The following ASAP3 variants were observed in gnomAD, a reference collection of about 807,000 sequenced individuals.
The protein encoded by ASAP3 is arf-GAP with SH3 domain, ANK repeat and PH domain-containing protein 3.
A neutral mutation model predicts 118.2 loss-of-function variants in ASAP3; 85 were observed. The ratio of observed to expected loss-of-function variants is 0.72; its 90% confidence interval spans 0.60 to 0.86. ASAP3 has a LOEUF of 0.86. Among genes scored for constraint, ASAP3 ranks in the 40% least tolerant of loss-of-function variants. ASAP3 has a pLI of 0.00. For missense variants in ASAP3, 1,026 were observed against 1,175.0 expected (o/e 0.87, Z 1.85); for synonymous variants, 432 against 477.4 (o/e 0.90, Z 1.24).
chr1:23,430,499 T>C (rs966439280), intron 24 of ASAP3, among the ~76,000 whole-genome samples: 21 of 152,222 alleles, frequency 1.4e-4, no homozygotes, highest in African/African-American at 5.1e-4. Flanking sequence ...CATCCCTCTA[T>C]GCCTGGGATC....
intron 5 of ASAP3, among the ~76,000 whole-genome samples, chr1:23,444,848 C>T (rs1034781620): frequency 2.6e-5 from 4 of 152,032 alleles, no homozygotes; most frequent in African/African-American, 9.7e-5. Context: ...TTATGGGGGG[C>T]TGCCTGGTGG....
At position 23,438,688 on chromosome 1, in the gene ASAP3, G is replaced by T; in HGVS notation, c.1102+59C>A. 1 of 1,517,336 alleles carries T rather than the reference G, an allele frequency of 6.6e-7. No individual in the cohort carries two copies. Among genetic ancestry groups the T allele is most frequent in the South Asian group, 1.1e-5 (1 of 88,508 alleles). The allele number at this position is 1,517,336 out of a possible 1,614,324, so 94.0% of individuals were successfully genotyped here. A position where few individuals can be genotyped will look rare whatever the true frequency, so the allele number is the denominator to read the frequency against. On this transcript the variant is annotated intron_variant, in intron 12 of 24. Coordinates refer to ENST00000336689, the MANE Select transcript of ASAP3 (RefSeq NM_017707.4). This position sits in a 1 kb window ranked among gnomAD's most constrained non-coding sequence, Gnocchi z 4.9. The stretch of plus-strand genomic sequence containing the variant: ...CACTGAAGCCCCCCGGGAGCTGACA[G>T]GTGTCTTAGAGAAGCCCTGAGCAGC...
intron 5 of ASAP3, among the ~76,000 whole-genome samples, chr1:23,445,467 G>GGAGA (rs1327061566): frequency 6.6e-6 from 1 of 151,782 alleles, no homozygotes; most frequent in Non-Finnish European, 1.5e-5. Flanking sequence ...CTCCAGCCTG[G>GGAGA]GTGACAGAGC....
chr1:23,443,002 G>C (rs1640927682), intron 5 of ASAP3, among the ~76,000 whole-genome samples: 1 of 152,200 alleles, frequency 6.6e-6, no homozygotes, highest in African/African-American at 2.4e-5. Flanking sequence ...GCCAGCTAAG[G>C]TAAGGAGGTG....
rs1174321740 is a variant in ASAP3 at position 23,433,077 on chromosome 1, C to T, written c.2323G>A (p.Asp775Asn). ...VQGCARHASG[D>N]RSEVSSLSSE... ...CATTTATCTGGGCATCCAACTGTAC[C>T]TCCACTGGCATGTCTTGCACACCCT... is the stretch of plus-strand genomic sequence containing the variant. The change falls in exon 22 of 25, where the codon GAT becomes AAT. Residue 775 changes from aspartate to asparagine, a missense_variant and splice_region_variant. Physicochemically the swap from Asp to Asn is conservative, Grantham distance 23. Transcript: ENST00000336689. 1 of 1,613,598 alleles carries T rather than the reference C, an allele frequency of 6.2e-7. No individual in the cohort carries two copies. Among genetic ancestry groups the T allele is most frequent in the East Asian group, 2.2e-5 (1 of 44,882 alleles).
At chr1:23,482,071 T>G (rs1384632327) in intron 1 of ASAP3, among the ~76,000 whole-genome samples, 1 of 152,194 alleles carries the variant, frequency 6.6e-6, no homozygotes, top group Admixed American at 6.5e-5. Flanking sequence ...CTTCTTATTT[T>G]AATAAAACAT....
chr1:23,457,302 A>C (rs1641421365), intron 1 of ASAP3, among the ~76,000 whole-genome samples: 1 of 152,166 alleles, frequency 6.6e-6, no homozygotes, highest in Non-Finnish European at 1.5e-5. Flanking sequence ...TCAGAGTCTG[A>C]TTTCCAGAGT....
intron 24 of ASAP3, among the ~76,000 whole-genome samples, chr1:23,430,627 C>T (rs956326252): frequency 2.0e-5 from 3 of 152,184 alleles, no homozygotes; most frequent in South Asian, 2.1e-4. Flanking sequence ...CTTCTCTGAG[C>T]GACTGGCCTG....
chr1:23,434,450 G>A, intron 18 of ASAP3, 81 bp from the exon 19 acceptor site: 1 of 1,600,564 alleles, frequency 6.2e-7, no homozygotes, highest in Non-Finnish European at 8.6e-7. Context: ...AGTGGGAGGG[G>A]AAAGGAGGGA....
In ASAP3 at chr1:23,473,974, C is replaced by CTTTTTTTTTTTTTT. The variant is rs10664798; in HGVS notation, c.129+10017_129+10030dup. On this transcript the variant is annotated intron_variant, in intron 1 of 24. Coordinates refer to ENST00000336689, the MANE Select transcript of ASAP3 (RefSeq NM_017707.4). ...AGGCGAAAATGGCATTAAATCTGCT[C>CTTTTTTTTTTTTTT]TTTTTTTTTTTTTTTTTTTTTTTTG... Among the ~76,000 whole-genome samples the CTTTTTTTTTTTTTT allele has an allele frequency of 6.8e-4, 49 of 72,106 alleles. 6 individuals carry two copies. The highest frequency in any genetic ancestry group is 2.5e-3 in the African/African-American group (37 of 14,714). The allele number at this position is 72,106 out of a possible 152,430, so 47.3% of individuals were successfully genotyped here. A position where few individuals can be genotyped will look rare whatever the true frequency, so the allele number is the denominator to read the frequency against.
At position 23,435,901 on chromosome 1, in the gene ASAP3, A is replaced by T; in HGVS notation, c.1699T>A (p.Phe567Ile). 6 of 1,614,266 alleles carry T rather than the reference A, an allele frequency of 3.7e-6. No individual in the cohort carries two copies. The highest frequency in any genetic ancestry group is 5.1e-6 in the Non-Finnish European group (6 of 1,180,052). The stretch of plus-strand genomic sequence containing the variant: ...TGTCCAAAGTCCTGCCCATTGGCAA[A>T]GGCCTCCAGTACCGACAGGAGGTCC... ...NRDLLSVLEA[F>I]ANGQDFGQPL... is the part of the protein sequence containing the mutation. Residue 567 changes from phenylalanine to isoleucine, a missense_variant, in exon 17 of 25, where the codon TTT (phenylalanine) becomes ATT (isoleucine). Physicochemically the swap from Phe to Ile is conservative, Grantham distance 21 (BLOSUM62 0). Transcript: ENST00000336689.
chr1:23,477,376 CAAAAA>C (rs11367585), intron 1 of ASAP3, among the ~76,000 whole-genome samples: 2 of 64,698 alleles, frequency 3.1e-5, no homozygotes, highest in Non-Finnish European at 5.6e-5. Context: ...GACTCCATCT[CAAAAA>C]AAAAAAAAAA....
chr1:23,465,652 C>T (rs1641743961), intron 1 of ASAP3, among the ~76,000 whole-genome samples: 1 of 152,014 alleles, frequency 6.6e-6, no homozygotes, highest in Admixed American at 6.6e-5. Flanking sequence ...CAGGCGTGTG[C>T]CACCATGCCC....
At chr1:23,456,957 G>C (rs1641409728) in intron 1 of ASAP3, among the ~76,000 whole-genome samples, 1 of 152,198 alleles carries the variant, frequency 6.6e-6, no homozygotes, top group African/African-American at 2.4e-5. Flanking sequence ...AAAGGCCAGA[G>C]ATGTGATGGC....
At chr1:23,434,643 G>T in intron 17 of ASAP3, 25 bp from the exon 18 acceptor site, 1 of 1,607,568 alleles carries the variant, frequency 6.2e-7, no homozygotes, top group Non-Finnish European at 8.5e-7. Flanking sequence ...ACACCTCTGA[G>T]ATTCCCCCCC....
At chr1:23,450,392 CA>C (rs1359923469) in intron 5 of ASAP3, among the ~76,000 whole-genome samples, 3 of 152,018 alleles carry the variant, frequency 2.0e-5, no homozygotes, top group African/African-American at 7.3e-5. Context: ...AAGATGGCCA[CA>C]ATGTATTTTT....
At chr1:23,456,819 G>T (rs1641402861) in intron 1 of ASAP3, among the ~76,000 whole-genome samples, 1 of 152,178 alleles carries the variant, frequency 6.6e-6, no homozygotes, top group Non-Finnish European at 1.5e-5. Context: ...GAGGCATTCA[G>T]TTACCTGAGT....
intron 1 of ASAP3, among the ~76,000 whole-genome samples, chr1:23,470,111 CCCTCAGTGTG>C (rs1422069984): frequency 6.6e-6 from 1 of 152,172 alleles, no homozygotes. Flanking sequence ...TGCCATTAAG[CCCTCAGTGTG>C]CCTCTGAGCG....
Position 23,437,228 on chromosome 1 carries a change from GCGGAC to G in ASAP3, c.1239_1243del (p.Ser414ArgfsTer3). ...GTCGTGCGGCTCCCCATCATGGCCG[GCGGAC>G]CCCCAGGACCCCGGGCCAGCGCTGG... On this transcript the variant is annotated frameshift_variant, in exon 14 of 25. Transcript: ENST00000336689. LOFTEE classifies it high-confidence loss of function. The surrounding 1 kb of genome is among the most constrained non-coding windows in gnomAD (Gnocchi z 6.1). The G allele has an allele frequency of 6.3e-7, 1 of 1,595,614 alleles. No individual in the cohort carries two copies. The highest frequency in any genetic ancestry group is 8.5e-7 in the Non-Finnish European group (1 of 1,171,348).
Sources: gnomAD v4.1 joint callset for allele counts (sites outside exome capture counted in the v4.1 genomes callset) on GRCh38, gnomAD v4.1.1 for gene constraint, Gnocchi (gnomAD v3.1) non-coding constraint, MANE v1.5 for transcripts, NCBI Gene and HGNC (gene_info 2026-07-23, HGNC 2026-07-21) for gene names.